Variants in CYP24A1 observed in about 807,000 individuals in gnomAD.
CYP24A1 encodes the protein 1,25-dihydroxyvitamin D(3) 24-hydroxylase, mitochondrial.
In CYP24A1, 68 loss-of-function variants were observed where a neutral mutation model predicts 62.4. The observed-to-expected ratio is 1.09, with a 90% confidence interval of 0.90 to 1.33. The LOEUF is 1.33. Among genes scored for constraint, CYP24A1 ranks in the 40% most tolerant of loss-of-function variants. The pLI, the probability that CYP24A1 is intolerant of heterozygous loss-of-function variation, is 0.00. For missense variants in CYP24A1, 787 were observed against 653.0 expected, an observed-to-expected ratio of 1.21 and a Z score of -2.24; for synonymous variants, 267 against 253.0, an observed-to-expected ratio of 1.06 and a Z score of -0.52.
Position 54,173,819 on chromosome 20 carries a change from G to A in CYP24A1, c.-240C>T. 1 of 579,460 alleles carries A rather than the reference G, an allele frequency of 1.7e-6. No homozygotes were observed. The highest frequency in any genetic ancestry group is 3.1e-6 in the Non-Finnish European group (1 of 325,562). The allele number at this position is 579,460 out of a possible 1,614,324, so 35.9% of individuals were successfully genotyped here. On this transcript the variant is annotated 5_prime_UTR_variant, in exon 1 of 12. Transcript: ENST00000216862. This position sits in a 1 kb window ranked among gnomAD's most constrained non-coding sequence, Gnocchi z 7.2. ...GTGCCTCCTTGCACTGGCCGCAGGG[G>A]CTGGAAGAGGGTGGCCGGTGTCTGG...
the CYP24A1 span, among the ~76,000 whole-genome samples, chr20:54,144,505 T>C: frequency 6.6e-6 from 1 of 151,812 alleles, no homozygotes; most frequent in Non-Finnish European, 1.5e-5. Context: ...TCCTCCAGCC[T>C]CAGCCTCCCA....
intron 4 of CYP24A1, among the ~76,000 whole-genome samples, chr20:54,168,968 G>A (rs1232591583): frequency 3.3e-5 from 5 of 151,412 alleles, no homozygotes; most frequent in Non-Finnish European, 5.9e-5. Context: ...TACAATCACG[G>A]CTCACTTTAG....
At chr20:54,164,671 AG>A in intron 5 of CYP24A1, 108 bp from the exon 6 acceptor site, 1 of 1,590,624 alleles carries the variant, frequency 6.3e-7, no homozygotes, top group Non-Finnish European at 8.5e-7. Flanking sequence ...ACTTTTTAAA[AG>A]GCTGGAATTA....
Position 54,173,727 on chromosome 20 carries a change from A to T in CYP24A1, c.-148T>A. 1 of 627,586 alleles carries T rather than the reference A, an allele frequency of 1.6e-6. No homozygotes were observed. Among genetic ancestry groups the T allele is most frequent in the South Asian group, 1.9e-5 (1 of 53,164 alleles). 38.9% of individuals were successfully genotyped at this position (627,586 alleles called of 1,614,324 possible). ...GTGTGATGGAGCGGGGTGAGGCGGG[A>T]CAGGCAGCAGAAAGGACCTCGGCGA... On this transcript the variant is annotated 5_prime_UTR_variant, in exon 1 of 12. Transcript: ENST00000216862. This position sits in a 1 kb window ranked among gnomAD's most constrained non-coding sequence, Gnocchi z 7.2.
At chr20:54,160,959 G>C (rs1601130990) in intron 7 of CYP24A1, among the ~76,000 whole-genome samples, 2 of 152,208 alleles carry the variant, frequency 1.3e-5, no homozygotes, top group South Asian at 4.1e-4. Flanking sequence ...CTGGCCTGCT[G>C]TACCCACTCT....
chr20:54,160,879 G>C (rs1281391740), intron 7 of CYP24A1, among the ~76,000 whole-genome samples: 1 of 152,184 alleles, frequency 6.6e-6, no homozygotes, highest in African/African-American at 2.4e-5. Context: ...TTGAGGGGAA[G>C]TGGCCTGGAA....
the CYP24A1 span, among the ~76,000 whole-genome samples, chr20:54,148,385 C>G: frequency 6.6e-6 from 1 of 150,912 alleles, no homozygotes; most frequent in African/African-American, 2.4e-5. Context: ...CACACACACA[C>G]ACACACACAC....
chr20:54,162,226 T>G (rs1175679011), intron 7 of CYP24A1, among the ~76,000 whole-genome samples: 3 of 41,276 alleles, frequency 7.3e-5, no homozygotes, highest in Admixed American at 2.0e-4. Flanking sequence ...ATGCCTTTTT[T>G]TTTTTTTTTT....
At chr20:54,153,363 A>G (rs1309719305), downstream of CYP24A1, 1 of 152,266 alleles carries the variant, frequency 6.6e-6, no homozygotes, top group African/African-American at 2.4e-5. Context: ...TGTAGGCCAT[A>G]TGAGAAAATT....
chr20:54,145,411 G>A, the CYP24A1 span, among the ~76,000 whole-genome samples: 25 of 151,840 alleles, frequency 1.6e-4, no homozygotes, highest in East Asian at 1.9e-4. Context: ...TCTATAAGGC[G>A]GGCAGATCAT....
At position 54,172,889 on chromosome 20, in the gene CYP24A1, G is replaced by A. The variant is rs963093306; in HGVS notation, c.449+20C>T. ...TCATCAGGTCTGGCCGCATGCCCAG[G>A]TCCCTCGGATTGGACTCACAGGATC... On this transcript the variant is annotated intron_variant, in intron 2 of 11. Transcript: ENST00000216862. The A allele has an allele frequency of 6.2e-7, 1 of 1,613,212 alleles. No homozygotes were observed. Among genetic ancestry groups the A allele is most frequent in the African/African-American group, 1.3e-5 (1 of 74,900 alleles).
intron 4 of CYP24A1, among the ~76,000 whole-genome samples, chr20:54,167,118 G>A (rs542366482): frequency 1.3e-5 from 2 of 152,296 alleles, no homozygotes; most frequent in Admixed American, 6.5e-5. Flanking sequence ...TAGGAGACTA[G>A]CATTAAAAAG....
intron 7 of CYP24A1, among the ~76,000 whole-genome samples, chr20:54,161,368 T>C (rs1006749882): frequency 1.3e-5 from 2 of 151,772 alleles, no homozygotes; most frequent in African/African-American, 4.8e-5. Flanking sequence ...CCTGATGGCG[T>C]CCTCCACAAT....
intron 7 of CYP24A1, among the ~76,000 whole-genome samples, chr20:54,161,211 T>G (rs1194670315): frequency 6.6e-6 from 1 of 152,224 alleles, no homozygotes; most frequent in East Asian, 1.9e-4. Context: ...CCCAGGGCCT[T>G]TGCATGGGCC....
At chr20:54,162,511 C>CT in intron 7 of CYP24A1, 2 of 574,624 alleles carry the variant, frequency 3.5e-6, no homozygotes, top group Non-Finnish European at 6.2e-6. Context: ...ACCGTGGCGT[C>CT]TGGTATGAGG....
At chr20:54,172,825 C>T in intron 2 of CYP24A1, 84 bp downstream of exon 2, 1 of 1,603,864 alleles carries the variant, frequency 6.2e-7, no homozygotes, top group Non-Finnish European at 8.5e-7. Context: ...CCAGGGAACT[C>T]TAACTCCGCC....
intron 4 of CYP24A1, among the ~76,000 whole-genome samples, chr20:54,168,692 CTTTA>C (rs750075407): frequency 3.3e-5 from 5 of 151,908 alleles, no homozygotes; most frequent in African/African-American, 4.8e-5. Context: ...CTCTTTTCTT[CTTTA>C]TTTCTTTTCT....
intron 7 of CYP24A1, among the ~76,000 whole-genome samples, chr20:54,161,249 C>G (rs758566731): frequency 6.6e-6 from 1 of 152,238 alleles, no homozygotes; most frequent in East Asian, 1.9e-4. Context: ...CGCTCTTCCA[C>G]GAGGTCTTTC....
chr20:54,143,786 T>C, the CYP24A1 span, among the ~76,000 whole-genome samples: 3 of 151,982 alleles, frequency 2.0e-5, no homozygotes, highest in Non-Finnish European at 4.4e-5. Flanking sequence ...CAAACCTTTG[T>C]TCTTTGAAAA....
Sources: allele counts gnomAD v4.1 joint callset (sites outside exome capture counted in the v4.1 genomes callset), GRCh38; gene constraint gnomAD v4.1.1; non-coding constraint Gnocchi (gnomAD v3.1); transcripts MANE v1.5; gene names NCBI Gene and HGNC (gene_info 2026-07-23, HGNC 2026-07-21).